Variants in REPS2 observed in about 807,000 individuals in gnomAD.
REPS2 encodes RALBP1 associated Eps domain containing 2, also known as ralBP1-associated Eps domain-containing protein 2.
Under a neutral mutation model 53.6 loss-of-function variants are expected in REPS2, and 23 were observed. The observed-to-expected ratio is 0.43, with a 90% CI of 0.31 to 0.61. The LOEUF (loss-of-function observed/expected upper bound fraction) is 0.61, where lower values mean the gene tolerates loss of function less well. REPS2 is among the 20% of genes least tolerant of loss of function. REPS2 has a pLI of 0.11. For missense variants in REPS2, 446 were observed against 534.9 expected, an observed-to-expected ratio of 0.83 and a Z score of 1.64; for synonymous variants, 238 against 218.6, an observed-to-expected ratio of 1.09 and a Z score of -0.78.
chrX:17,076,853 G>A (rs777156955), intron 12 of REPS2, among the ~76,000 whole-genome samples: 19 of 111,824 alleles, frequency 1.7e-4, no homozygotes, highest in Non-Finnish European at 3.8e-5. Flanking sequence ...TTCCACATGA[G>A]CCTGTCATCA....
chrX:17,152,677 C>A lies in REPS2; in HGVS notation c.*5196C>A, dbSNP rs1603151493. On this transcript the variant is annotated 3_prime_UTR_variant, in exon 18 of 18. Coordinates refer to ENST00000357277, the MANE Select transcript of REPS2 (RefSeq NM_004726.3). ...GGGCTGGAACAGTTGATTATGCAAC[C>A]CCATTGTGTGGAGATTGGATCAACT... 1 of 112,449 alleles carries A rather than the reference C, an allele frequency of 8.9e-6. No individual in the cohort carries two copies. The highest frequency in any genetic ancestry group is 9.4e-5 in the Admixed American group (1 of 10,612). The allele number at this position is 112,449 out of a possible 1,213,427, so 9.3% of individuals were successfully genotyped here.
the REPS2 span, among the ~76,000 whole-genome samples, chrX:17,189,806 T>G: frequency 9.0e-6 from 1 of 111,443 alleles, no homozygotes; most frequent in Non-Finnish European, 1.9e-5. Flanking sequence ...TGCATTTCCT[T>G]GTCCCCTCCT....
intron 1 of REPS2, among the ~76,000 whole-genome samples, chrX:16,995,206 T>C (rs2061220151): frequency 8.9e-6 from 1 of 112,345 alleles, no homozygotes; most frequent in Non-Finnish European, 1.9e-5. Flanking sequence ...GGGGCCTAAC[T>C]TGCATCTGTC....
Position 17,135,425 on chromosome X carries a change from CAA to C in REPS2, c.1808+20_1808+21del, listed in dbSNP as rs955611479. On this transcript the variant is annotated intron_variant, in intron 16 of 17. Coordinates refer to ENST00000357277, the MANE Select transcript of REPS2 (RefSeq NM_004726.3). ...TCCAAAAGTAAGTAGACCACATAAACAAGAGTGAGGTAGGAATCTCGCTCTGA... is the reference window on the plus strand; with the variant it reads ...TCCAAAAGTAAGTAGACCACATAAACGAGTGAGGTAGGAATCTCGCTCTGA... 1.7e-6 allele frequency: 2 copies of C among 1,195,626 alleles called. No individual in the cohort carries two copies. The highest frequency in any genetic ancestry group is 2.3e-6 in the Non-Finnish European group (2 of 888,499).
intron 1 of REPS2, among the ~76,000 whole-genome samples, chrX:16,984,524 C>G (rs887593870): frequency 5.3e-5 from 6 of 112,197 alleles, no homozygotes; most frequent in African/African-American, 1.9e-4. Context: ...TGGGGGCCAT[C>G]ATGGAGGCTG....
chrX:16,980,269 C>G (rs951654455), intron 1 of REPS2, among the ~76,000 whole-genome samples: 2 of 107,617 alleles, frequency 1.9e-5, no homozygotes, highest in Non-Finnish European at 3.9e-5. Flanking sequence ...CCACCACGGC[C>G]CGGCTAATTT....
At chrX:17,183,724 A>G in the REPS2 span, among the ~76,000 whole-genome samples, 1 of 112,154 alleles carries the variant, frequency 8.9e-6, no homozygotes, top group African/African-American at 3.2e-5. Context: ...TAAAAGATGG[A>G]GATGAGATGA....
At chrX:17,068,313 CA>C (rs1316646004) in intron 9 of REPS2, 88 bp from the exon 10 acceptor site, 14,043 of 526,103 alleles carry the variant, frequency 0.027, no homozygotes, top group East Asian at 0.031. Context: ...GACTCTGTCT[CA>C]AAAAAAAAAA....
At chrX:16,968,086 A>G (rs1158969768) in intron 1 of REPS2, among the ~76,000 whole-genome samples, 1 of 111,370 alleles carries the variant, frequency 9.0e-6, no homozygotes, top group Non-Finnish European at 1.9e-5. Context: ...AACAAAGCAC[A>G]TCTTGCACCG....
chrX:17,093,188 ATATATATATATAAT>A (rs1569171931), intron 13 of REPS2, among the ~76,000 whole-genome samples: 138 of 13,323 alleles, frequency 0.01, 5 homozygotes, highest in Middle Eastern at 0.14. Context: ...ATATATATAT[ATATATATATATAAT>A]TTTTTTTTTG....
intron 1 of REPS2, among the ~76,000 whole-genome samples, chrX:16,951,428 G>A (rs1393890488): frequency 9.2e-6 from 1 of 108,925 alleles, no homozygotes; most frequent in East Asian, 2.9e-4. Context: ...AGCACTTTGG[G>A]AGTCTGAGGT....
chrX:17,112,462 A>G (rs1198951065), intron 14 of REPS2, among the ~76,000 whole-genome samples: 1 of 112,075 alleles, frequency 8.9e-6, no homozygotes, highest in African/African-American at 3.2e-5. Flanking sequence ...TTCAGGATAG[A>G]CCATATGTTA....
chrX:17,128,008 T>C (rs889305300), intron 14 of REPS2, among the ~76,000 whole-genome samples: 4 of 111,639 alleles, frequency 3.6e-5, no homozygotes, highest in African/African-American at 1.3e-4. Flanking sequence ...GGCAGCTGAC[T>C]GTCTCCAGAA....
intron 13 of REPS2, among the ~76,000 whole-genome samples, chrX:17,100,572 A>G (rs1312329584): frequency 8.9e-6 from 1 of 112,504 alleles, no homozygotes; most frequent in Non-Finnish European, 1.9e-5. Context: ...ATAATCTATT[A>G]AAGGGTATCT....
chrX:17,110,474 C>A (rs1221222799), intron 14 of REPS2, among the ~76,000 whole-genome samples: 1 of 104,308 alleles, frequency 9.6e-6, no homozygotes, highest in Non-Finnish European at 2.0e-5. Flanking sequence ...CACCTGAGGT[C>A]AGAAGTTCGA....
the REPS2 span, among the ~76,000 whole-genome samples, chrX:17,187,375 G>A: frequency 1.8e-5 from 2 of 111,951 alleles, no homozygotes; most frequent in African/African-American, 6.5e-5. Flanking sequence ...CCAGGCTGCC[G>A]AATGGGCCCT....
the REPS2 span, among the ~76,000 whole-genome samples, chrX:17,158,481 G>A: frequency 8.9e-6 from 1 of 111,847 alleles, no homozygotes; most frequent in African/African-American, 3.3e-5. Flanking sequence ...AGATCTGAAT[G>A]TGAAAGGTAA....
At chrX:17,073,686 A>T (rs747365827) in intron 11 of REPS2, among the ~76,000 whole-genome samples, 1,077 of 106,639 alleles carry the variant, frequency 0.01, 4 homozygotes, top group African/African-American at 0.031. Context: ...TTTTTTTTTT[A>T]AAACGTGTAG....
At chrX:16,948,856 G>A (rs1161878690) in intron 1 of REPS2, among the ~76,000 whole-genome samples, 3 of 112,346 alleles carry the variant, frequency 2.7e-5, no homozygotes, top group East Asian at 2.8e-4. Context: ...ACATCCCTGC[G>A]AGATTGCTTG....
Sources: allele counts gnomAD v4.1 joint callset (sites outside exome capture counted in the v4.1 genomes callset), GRCh38; gene constraint gnomAD v4.1.1; transcripts MANE v1.5; gene names NCBI Gene and HGNC (gene_info 2026-07-23, HGNC 2026-07-21).